The following UBTD1 variants were observed in gnomAD, a reference collection of about 807,000 sequenced individuals.
The protein encoded by UBTD1 is ubiquitin domain-containing protein 1.
Under a neutral mutation model 21.7 loss-of-function variants are expected in UBTD1, and 19 were observed. That is an observed-to-expected ratio of 0.87 (90% CI 0.61 to 1.28). The LOEUF is 1.28. Ranked by LOEUF, UBTD1 falls within the 50% of genes most tolerant of loss-of-function variation. The pLI is 0.00. For missense variants in UBTD1, 282 were observed against 315.1 expected, an observed-to-expected ratio of 0.89 and a Z score of 0.80; for synonymous variants, 116 against 135.1, an observed-to-expected ratio of 0.86 and a Z score of 0.98.
At chr10:97,549,743 C>T (rs2040627567) in intron 1 of UBTD1, among the ~76,000 whole-genome samples, 1 of 152,238 alleles carries the variant, frequency 6.6e-6, no homozygotes, top group African/African-American at 2.4e-5. Flanking sequence ...GGAGGAAAGG[C>T]CCACAGGCCT....
chr10:97,502,985 T>C (rs2040383667), intron 1 of UBTD1, among the ~76,000 whole-genome samples: 1 of 151,728 alleles, frequency 6.6e-6, no homozygotes, highest in South Asian at 2.1e-4. Flanking sequence ...GGTGCAGTTA[T>C]AGCTCCCTGC....
At chr10:97,563,591 G>GT (rs770686164) in intron 1 of UBTD1, among the ~76,000 whole-genome samples, 8 of 152,086 alleles carry the variant, frequency 5.3e-5, no homozygotes, top group Non-Finnish European at 1.0e-4. Context: ...GTATTGGAGG[G>GT]TACCCCGTCA....
chr10:97,521,789 AC>A (rs1196453316), intron 1 of UBTD1, among the ~76,000 whole-genome samples: 6 of 152,312 alleles, frequency 3.9e-5, no homozygotes, highest in African/African-American at 1.2e-4. Flanking sequence ...TCACACACCC[AC>A]CTGGCCAGGC....
intron 1 of UBTD1, among the ~76,000 whole-genome samples, chr10:97,556,717 A>G (rs917188521): frequency 3.3e-5 from 5 of 152,224 alleles, no homozygotes; most frequent in South Asian, 2.1e-4. Context: ...AATGGTGCCA[A>G]TTACACAGCT....
intron 1 of UBTD1, among the ~76,000 whole-genome samples, chr10:97,544,490 C>G (rs559375270): frequency 6.6e-6 from 1 of 152,284 alleles, no homozygotes; most frequent in African/African-American, 2.4e-5. Context: ...GGCCCTTGAA[C>G]AACGCAGGGT....
At chr10:97,502,960 AGGCTGGAGTAT>A (rs2040383610) in intron 1 of UBTD1, among the ~76,000 whole-genome samples, 1 of 150,590 alleles carries the variant, frequency 6.6e-6, no homozygotes. Flanking sequence ...TCTCTCGCTC[AGGCTGGAGTAT>A]GGTGGTGCAG....
At position 97,567,975 on chromosome 10, in the gene UBTD1, C is replaced by A; in HGVS notation, c.132C>A (p.Asp44Glu). Reference sequence around the variant, plus strand: ...GGAAGAGCGACTACCCCATGACTGACGGGCAGCTGCGGAGCAAACGGGATG... The same window carrying A: ...GGAAGAGCGACTACCCCATGACTGAAGGGCAGCTGCGGAGCAAACGGGATG... ...LKWKSDYPMT[D>E]GQLRSKRDEF... The change falls in exon 2 of 3, where the codon GAC becomes GAA. Residue 44 changes from aspartate (D) to glutamate (E), a missense_variant. Physicochemically the swap from Asp to Glu is conservative, Grantham distance 45. Transcript: ENST00000370664. The A allele has an allele frequency of 7.4e-6, 12 of 1,614,128 alleles. No individual in the cohort carries two copies. Among genetic ancestry groups the A allele is most frequent in the Non-Finnish European group, 1.0e-5 (12 of 1,180,034 alleles).
rs545816150 is a variant in UBTD1 at position 97,528,886 on chromosome 10, C to T, written c.70+29613C>T. Among the ~76,000 whole-genome samples the T allele has an allele frequency of 2.7e-5, 4 of 146,732 alleles. No homozygotes were observed. In the South Asian group the frequency reaches 8.7e-4, roughly 32 times the overall value. ...CTCACCTCCCGGATGGGGCGGCTGG[C>T]CGGGTGGGGGGCTGACCCCCCACCT... On this transcript the variant is annotated intron_variant, in intron 1 of 2. Coordinates refer to ENST00000370664, the MANE Select transcript of UBTD1 (RefSeq NM_024954.5).
At chr10:97,558,867 A>G (rs993500503) in intron 1 of UBTD1, among the ~76,000 whole-genome samples, 3 of 152,128 alleles carry the variant, frequency 2.0e-5, no homozygotes, top group Non-Finnish European at 4.4e-5. Context: ...TCGTTTTACG[A>G]TGTCTTATTA....
chr10:97,570,533 G>A lies in UBTD1; in HGVS notation c.*10G>A, dbSNP rs927245315. 6 of 1,580,898 alleles carry A rather than the reference G, an allele frequency of 3.8e-6. No individual in the cohort carries two copies. The highest frequency in any genetic ancestry group is 4.3e-6 in the Non-Finnish European group (5 of 1,157,442). Reference sequence around the variant, plus strand: ...ACCACCCCAGGACTGATGGGCCCACGGACCCCTGGGAAGAGGCCCCGCCTG... The same window carrying A: ...ACCACCCCAGGACTGATGGGCCCACAGACCCCTGGGAAGAGGCCCCGCCTG... On this transcript the variant is annotated 3_prime_UTR_variant, in exon 3 of 3. Transcript: ENST00000370664. This position sits in a 1 kb window ranked among gnomAD's most constrained non-coding sequence, Gnocchi z 6.6.
At chr10:97,540,183 G>A (rs1347482853) in intron 1 of UBTD1, among the ~76,000 whole-genome samples, 1 of 152,208 alleles carries the variant, frequency 6.6e-6, no homozygotes, top group Non-Finnish European at 1.5e-5. Context: ...ACATTTTTTT[G>A]TGGGTTTTTG....
In UBTD1 at chr10:97,499,362, A is replaced by C; in HGVS notation, c.70+89A>C. On this transcript the variant is annotated intron_variant, in intron 1 of 2. Coordinates refer to ENST00000370664, the MANE Select transcript of UBTD1 (RefSeq NM_024954.5). ...TCCTGGGCTTACCGATGGACTCCCC[A>C]CTGGTGCTGGCGCTTGGGTTTCCCC... 4 of 1,418,902 alleles carry C rather than the reference A, an allele frequency of 2.8e-6. No homozygotes were observed. In the South Asian group the frequency reaches 5.6e-5, roughly 20 times the overall value. The allele number at this position is 1,418,902 out of a possible 1,614,324, so 87.9% of individuals were successfully genotyped here.
intron 1 of UBTD1, among the ~76,000 whole-genome samples, chr10:97,539,652 A>C (rs1255880001): frequency 6.6e-6 from 1 of 151,994 alleles, no homozygotes; most frequent in Non-Finnish European, 1.5e-5. Flanking sequence ...GGTTGTTAAC[A>C]CCCAAAACAG....
intron 1 of UBTD1, among the ~76,000 whole-genome samples, chr10:97,557,887 A>T (rs1230208220): frequency 6.6e-6 from 1 of 152,158 alleles, no homozygotes; most frequent in Non-Finnish European, 1.5e-5. Context: ...AAATAATAGG[A>T]CTGTGGCAAT....
Position 97,499,203 on chromosome 10 carries a change from C to G in UBTD1, c.-1C>G. 1 of 1,545,328 alleles carries G rather than the reference C, an allele frequency of 6.5e-7. No individual in the cohort carries two copies. The highest frequency in any genetic ancestry group is 8.7e-7 in the Non-Finnish European group (1 of 1,144,780). Reference sequence around the variant, plus strand: ...GCATGGGGACTGGCTGAGGAGCCAGCATGGGCAACTGCGTGGGGAGACAGC... The same window carrying G: ...GCATGGGGACTGGCTGAGGAGCCAGGATGGGCAACTGCGTGGGGAGACAGC... On this transcript the variant is annotated 5_prime_UTR_variant, in exon 1 of 3. Coordinates refer to ENST00000370664, the MANE Select transcript of UBTD1 (RefSeq NM_024954.5).
chr10:97,570,951 A>G lies in UBTD1; in HGVS notation c.*428A>G. On this transcript the variant is annotated 3_prime_UTR_variant, in exon 3 of 3. Coordinates refer to ENST00000370664, the MANE Select transcript of UBTD1 (RefSeq NM_024954.5). This position sits in a 1 kb window ranked among gnomAD's most constrained non-coding sequence, Gnocchi z 6.6. ...CCTGGGCACAGTGCCACTCCCTTGG[A>G]AGGGAGGGAACCACCCGTGAGCCCC... 2 of 167,686 alleles carry G rather than the reference A, an allele frequency of 1.2e-5. No homozygotes were observed. The highest frequency in any genetic ancestry group is 3.2e-4 in the South Asian group (2 of 6,200). The allele number at this position is 167,686 out of a possible 1,614,324, so 10.4% of individuals were successfully genotyped here. A position where few individuals can be genotyped will look rare whatever the true frequency, so the allele number is the denominator to read the frequency against.
chr10:97,555,217 G>T (rs889093355), intron 1 of UBTD1, among the ~76,000 whole-genome samples: 10 of 152,178 alleles, frequency 6.6e-5, no homozygotes, highest in African/African-American at 1.9e-4. Flanking sequence ...TCATTAGGGG[G>T]TCATCCCTGC....
intron 1 of UBTD1, among the ~76,000 whole-genome samples, chr10:97,530,531 A>AT (rs959642236): frequency 1.3e-5 from 2 of 152,180 alleles, no homozygotes; most frequent in African/African-American, 2.4e-5. Context: ...TAAAAACAGG[A>AT]TTTTTTTGAA....
At chr10:97,512,909 C>T (rs1405629021) in intron 1 of UBTD1, among the ~76,000 whole-genome samples, 1 of 152,220 alleles carries the variant, frequency 6.6e-6, no homozygotes, top group Non-Finnish European at 1.5e-5. Flanking sequence ...CCCTCTGGTG[C>T]TAGTTTGGGT....
Sources: gnomAD v4.1 joint callset for allele counts (sites outside exome capture counted in the v4.1 genomes callset) on GRCh38, gnomAD v4.1.1 for gene constraint, Gnocchi (gnomAD v3.1) non-coding constraint, MANE v1.5 for transcripts, NCBI Gene and HGNC (gene_info 2026-07-23, HGNC 2026-07-21) for gene names.